The following CFTR variants were observed in gnomAD, a reference collection of about 807,000 sequenced individuals.
CFTR encodes the protein CF transmembrane conductance regulator.
In CFTR, 181 loss-of-function variants were observed where a neutral mutation model predicts 171.6. The observed-to-expected ratio is 1.05, with a 90% CI of 0.93 to 1.19. The LOEUF (loss-of-function observed/expected upper bound fraction) is 1.19. Among genes scored for constraint, CFTR ranks in the 50% most tolerant of loss-of-function variants. The probability of loss-of-function intolerance (pLI) is 0.00; values close to 1 mark genes in which losing one functional copy is unlikely to be tolerated. For missense variants in CFTR, 1,968 were observed against 1,734.7 expected (o/e 1.13, Z -2.39); for synonymous variants, 583 against 608.0 (o/e 0.96, Z 0.60).
chr7:117,604,193 G>T (rs1391386863), intron 17 of CFTR, among the ~76,000 whole-genome samples: 2 of 152,062 alleles, frequency 1.3e-5, no homozygotes, highest in Admixed American at 1.3e-4. Context: ...GTCTTTTGAT[G>T]GGGTAGAATA....
At chr7:117,571,207 G>C (rs1216246449) in intron 11 of CFTR, among the ~76,000 whole-genome samples, 1 of 152,188 alleles carries the variant, frequency 6.6e-6, no homozygotes, top group East Asian at 1.9e-4. Flanking sequence ...GAAGTGATGG[G>C]TAGGTAAGTA....
intron 14 of CFTR, 140 bp from the exon 15 acceptor site, chr7:117,594,789 AT>A: frequency 1.4e-6 from 1 of 733,408 alleles, no homozygotes; most frequent in Non-Finnish European, 2.3e-6. Context: ...CATACATGGC[AT>A]TTATAATGAT....
At chr7:117,645,341 T>A (rs949719469) in intron 23 of CFTR, among the ~76,000 whole-genome samples, 1 of 152,202 alleles carries the variant, frequency 6.6e-6, no homozygotes, top group African/African-American at 2.4e-5. Flanking sequence ...GAGGTCCCAA[T>A]CCAACCTATG....
intron 20 of CFTR, among the ~76,000 whole-genome samples, chr7:117,613,999 C>CTTTT (rs752774658): frequency 1.7e-3 from 125 of 72,480 alleles, no homozygotes; most frequent in Middle Eastern, 0.014. Context: ...GTACAGTAAT[C>CTTTT]TTTTTTTTTT....
chr7:117,531,265 T>A, intron 4 of CFTR, 151 bp downstream of exon 4: 4 of 649,888 alleles, frequency 6.2e-6, no homozygotes, highest in Non-Finnish European at 1.1e-5. Context: ...GAATAATTAA[T>A]GCTCTTAATT....
Position 117,548,003 on chromosome 7 carries a change from A to G in CFTR, c.1210-638A>G, listed in dbSNP as rs1440029898. On this transcript the variant is annotated intron_variant, in intron 9 of 26. Transcript: ENST00000003084. ...CTATGCTAAAGCTTCCCACGGGGGC[A>G]ATAGTGAGGCAAGGAATTTTTAAAA... Among the ~76,000 whole-genome samples, 3 of 152,202 alleles carry G rather than the reference A, an allele frequency of 2.0e-5. No homozygotes were observed. In the South Asian group the frequency reaches 6.2e-4, roughly 32 times the overall value.
chr7:117,587,999 G>A (rs1791971555), intron 12 of CFTR, among the ~76,000 whole-genome samples, 166 bp downstream of exon 12: 1 of 151,994 alleles, frequency 6.6e-6, no homozygotes, highest in African/African-American at 2.4e-5. Context: ...TATAAATAAT[G>A]GTATAGTATC....
intron 1 of CFTR, among the ~76,000 whole-genome samples, chr7:117,480,406 G>A (rs1260341108): frequency 1.3e-5 from 2 of 152,162 alleles, no homozygotes; most frequent in Non-Finnish European, 2.9e-5. Flanking sequence ...ACTCAAGTAC[G>A]CTACTATGCA....
intron 20 of CFTR, among the ~76,000 whole-genome samples, chr7:117,613,999 C>CTTTTTT (rs752774658): frequency 5.0e-3 from 364 of 72,404 alleles, no homozygotes; most frequent in Non-Finnish European, 6.2e-3. Flanking sequence ...GTACAGTAAT[C>CTTTTTT]TTTTTTTTTT....
At chr7:117,500,919 C>T (rs1285129617) in intron 1 of CFTR, among the ~76,000 whole-genome samples, 2 of 152,222 alleles carry the variant, frequency 1.3e-5, no homozygotes, top group Non-Finnish European at 1.5e-5. Context: ...TTAAAATGGG[C>T]ACAGATAACA....
At chr7:117,496,929 T>A (rs1170601468) in intron 1 of CFTR, among the ~76,000 whole-genome samples, 2 of 152,102 alleles carry the variant, frequency 1.3e-5, no homozygotes. Flanking sequence ...TTTTTCTTTT[T>A]TTGCTAATGT....
intron 21 of CFTR, among the ~76,000 whole-genome samples, chr7:117,618,427 G>A (rs1792526380): frequency 6.6e-6 from 1 of 151,892 alleles, no homozygotes; most frequent in African/African-American, 2.4e-5. Context: ...GTTTCAGTGA[G>A]CCGAGATCCT....
intron 6 of CFTR, among the ~76,000 whole-genome samples, chr7:117,535,919 T>C (rs1798947323): frequency 6.6e-6 from 1 of 152,208 alleles, no homozygotes; most frequent in African/African-American, 2.4e-5. Flanking sequence ...AATTTCTTTA[T>C]AAATATGTTG....
intron 1 of CFTR, among the ~76,000 whole-genome samples, chr7:117,496,350 C>G (rs771028722): frequency 6.6e-6 from 1 of 152,048 alleles, no homozygotes; most frequent in Non-Finnish European, 1.5e-5. Flanking sequence ...AGACTACAGG[C>G]TTGCACCACA....
At chr7:117,501,772 G>GAAAAAAAAAAAAAAAAAAAAAAAAAAAAA (rs1798332750) in intron 1 of CFTR, among the ~76,000 whole-genome samples, 2 of 73,566 alleles carry the variant, frequency 2.7e-5, no homozygotes, top group South Asian at 4.4e-4. Context: ...AAAAAAAAAA[G>GAAAAAAAAAAAAAAAAAAAAAAAAAAAAA]AAACAAAAAA....
chr7:117,499,676 G>A (rs1658187885), intron 1 of CFTR, among the ~76,000 whole-genome samples: 1 of 151,422 alleles, frequency 6.6e-6, no homozygotes, highest in Admixed American at 6.6e-5. Flanking sequence ...AACTAGGCTG[G>A]GTGTGGTGGT....
intron 15 of CFTR, 109 bp downstream of exon 15, chr7:117,595,167 A>G: frequency 2.4e-6 from 2 of 831,426 alleles, no homozygotes; most frequent in Non-Finnish European, 4.0e-6. Context: ...ATACACATGT[A>G]TACATGTATA....
chr7:117,526,348 G>A (rs1798779553), intron 3 of CFTR, among the ~76,000 whole-genome samples: 2 of 124,628 alleles, frequency 1.6e-5, no homozygotes, highest in African/African-American at 6.4e-5. Context: ...GAATCTCTGG[G>A]ATGCATTCAA....
intron 3 of CFTR, among the ~76,000 whole-genome samples, chr7:117,522,961 A>T (rs1158355023): frequency 6.6e-6 from 1 of 152,198 alleles, no homozygotes; most frequent in Admixed American, 6.5e-5. Context: ...TTGTCCTTGA[A>T]TGGTAACAGC....
Sources: gnomAD v4.1 joint callset for allele counts (sites outside exome capture counted in the v4.1 genomes callset) on GRCh38, gnomAD v4.1.1 for gene constraint, MANE v1.5 for transcripts, NCBI Gene and HGNC (gene_info 2026-07-23, HGNC 2026-07-21) for gene names.